Variants in INTS6 observed in about 807,000 individuals in gnomAD.
INTS6 encodes DEAD box protein.
Under a neutral mutation model 104.9 loss-of-function variants are expected in INTS6, and 16 were observed. The observed-to-expected ratio is 0.15, with a 90% confidence interval of 0.10 to 0.23. The LOEUF (loss-of-function observed/expected upper bound fraction) is 0.23. Ranked by LOEUF, INTS6 falls within the 10% of genes least tolerant of loss-of-function variation. The pLI, the probability that INTS6 is intolerant of heterozygous loss-of-function variation, is 1.00. For missense variants in INTS6, 584 were observed against 1,062.8 expected (o/e 0.55, Z 6.26); for synonymous variants, 324 against 358.7 (o/e 0.90, Z 1.09).
chr13:51,440,375 G>C (rs1430138785), intron 3 of INTS6: 1 of 151,900 alleles, frequency 6.6e-6, no homozygotes, highest in African/African-American at 2.4e-5. Context: ...GAGTTAAAAA[G>C]TTTTAAAACT....
chr13:51,451,625 C>CCGGCT (rs1370952842), intron 2 of INTS6: 1 of 156,460 alleles, frequency 6.4e-6, no homozygotes, highest in Non-Finnish European at 1.4e-5. Context: ...GCGGCCGGGC[C>CCGGCT]CGGCTGTCAC....
At chr13:51,403,613 A>AAAGAAAAAAAG (rs1235973925) in intron 4 of INTS6, among the ~76,000 whole-genome samples, 7 of 151,384 alleles carry the variant, frequency 4.6e-5, no homozygotes, top group Middle Eastern at 3.4e-3. Context: ...AAGAAAAAAA[A>AAAGAAAAAAAG]AAAAAGAAAA....
At chr13:51,369,774 T>C (rs549839585) in intron 15 of INTS6, among the ~76,000 whole-genome samples, 5 of 152,352 alleles carry the variant, frequency 3.3e-5, no homozygotes, top group African/African-American at 9.6e-5. Flanking sequence ...TGCCTTTAAC[T>C]GTTCCAAATT....
At chr13:51,393,032 T>C (rs1036849850) in intron 5 of INTS6, among the ~76,000 whole-genome samples, 8 of 151,702 alleles carry the variant, frequency 5.3e-5, no homozygotes, top group Non-Finnish European at 1.2e-4. Context: ...TACTCCATAA[T>C]GGGAAAAATA....
intron 4 of INTS6, among the ~76,000 whole-genome samples, chr13:51,429,785 A>AAAAAAAAAAAAAATATATATATATAT (rs1156333077): frequency 1.1e-5 from 1 of 92,376 alleles, no homozygotes; most frequent in Non-Finnish European, 2.0e-5. Context: ...AAAAAAAAAA[A>AAAAAAAAAAAAAATATATATATATAT]ATATATATAT....
At chr13:51,361,181 C>T, downstream of INTS6, 5 of 796,542 alleles carry the variant, frequency 6.3e-6, no homozygotes, top group Non-Finnish European at 1.1e-5. Flanking sequence ...GCATTGGATA[C>T]TATAAATTTT....
rs755307535 is a variant in INTS6, at chr13:51,451,222, G to C, written c.190-48C>G. ...TTTTTTTTTCATTTTTTAAAGCCATGTACACAGAGCCGTTATAATCTGACG... is the reference window on the plus strand; with the variant it reads ...TTTTTTTTTCATTTTTTAAAGCCATCTACACAGAGCCGTTATAATCTGACG... On this transcript the variant is annotated intron_variant, in intron 2 of 17. Transcript: ENST00000311234. 1.5e-5 allele frequency: 22 copies of C among 1,455,122 alleles called. No individual in the cohort carries two copies. In the Admixed American group the frequency reaches 3.4e-4, roughly 22 times the overall value. 90.1% of individuals were successfully genotyped at this position (1,455,122 alleles called of 1,614,324 possible).
intron 15 of INTS6, among the ~76,000 whole-genome samples, chr13:51,370,708 CAA>C (rs1955785832): frequency 6.6e-6 from 1 of 152,188 alleles, no homozygotes; most frequent in East Asian, 1.9e-4. Flanking sequence ...CAACTGCTTG[CAA>C]AAAGTATACA....
In INTS6 at chr13:51,376,194, G is replaced by C. The variant is rs768004951; in HGVS notation, c.1603-20C>G. The C allele has an allele frequency of 6.4e-7, 1 of 1,572,266 alleles. No individual in the cohort carries two copies. Among genetic ancestry groups the C allele is most frequent in the Non-Finnish European group, 8.6e-7 (1 of 1,158,356 alleles). ...CAAATCCTATTAAACAACATTCGAG[G>C]ACAAAATTTATTGTCAAACATAGAA... On this transcript the variant is annotated intron_variant, in intron 12 of 17. Transcript: ENST00000311234.
intron 15 of INTS6, among the ~76,000 whole-genome samples, chr13:51,371,838 T>C (rs902068025): frequency 2.6e-5 from 4 of 152,100 alleles, no homozygotes; most frequent in Admixed American, 6.6e-5. Context: ...ATTAAGGGAC[T>C]TCCTTTACCT....
In INTS6 at chr13:51,452,697, TGAGAG is replaced by T; in HGVS notation, c.-177_-173del. The T allele has an allele frequency of 7.3e-7, 1 of 1,371,682 alleles. No homozygotes were observed. The highest frequency in any genetic ancestry group is 9.4e-7 in the Non-Finnish European group (1 of 1,061,518). The allele number at this position is 1,371,682 out of a possible 1,614,324, so 85.0% of individuals were successfully genotyped here. A position where few individuals can be genotyped will look rare whatever the true frequency, so the allele number is the denominator to read the frequency against. ...TGCGGGGAGTTTCTCCCCCGATAGT[TGAGAG>T]GAAACTCCCCAGACCCAGTGCTCCC... On this transcript the variant is annotated 5_prime_UTR_variant, in exon 1 of 18. Transcript: ENST00000311234. This position sits in a 1 kb window ranked among gnomAD's most constrained non-coding sequence, Gnocchi z 4.2.
chr13:51,353,077 T>C (rs1362750659), downstream of INTS6, among the ~76,000 whole-genome samples: 1 of 152,194 alleles, frequency 6.6e-6, no homozygotes, highest in Non-Finnish European at 1.5e-5. Context: ...TATCCTTGTC[T>C]GGTATTGGTA....
intron 3 of INTS6, chr13:51,447,923 T>C (rs1952953806): frequency 6.6e-6 from 1 of 151,962 alleles, no homozygotes; most frequent in Non-Finnish European, 1.5e-5. Context: ...CCAGGCATGG[T>C]GGCTCAAGCC....
chr13:51,385,067 C>G (rs1389496531), intron 7 of INTS6: 1 of 156,436 alleles, frequency 6.4e-6, no homozygotes, highest in African/African-American at 2.4e-5. Context: ...TGATCTGGTC[C>G]CTATCTGCCT....
intron 4 of INTS6, among the ~76,000 whole-genome samples, chr13:51,416,054 A>G (rs1388607010): frequency 2.0e-5 from 3 of 152,296 alleles, no homozygotes; most frequent in South Asian, 2.1e-4. Flanking sequence ...AAAAACTAAA[A>G]AGCAAATTTG....
rs566961758 is a variant in INTS6, at chr13:51,446,302, T to C, written c.339+4723A>G. On this transcript the variant is annotated intron_variant, in intron 3 of 17. Transcript: ENST00000311234. ...TGTACAAATGGCCAACAAGCGTATG[T>C]TGATGCTTAACATAAATAATTATTA... The C allele has an allele frequency of 4.6e-5, 7 of 152,322 alleles. No individual in the cohort carries two copies. The South Asian group carries it at 6.2e-4, about 14-fold the overall frequency. The allele number at this position is 152,322 out of a possible 1,614,324, so 9.4% of individuals were successfully genotyped here. A position where few individuals can be genotyped will look rare whatever the true frequency, so the allele number is the denominator to read the frequency against.
intron 4 of INTS6, among the ~76,000 whole-genome samples, chr13:51,405,114 C>T (rs143978077): frequency 6.6e-6 from 1 of 152,156 alleles, no homozygotes; most frequent in African/African-American, 2.4e-5. Flanking sequence ...GAATCCAGAA[C>T]CTCATGCAAG....
intron 4 of INTS6, chr13:51,402,877 T>G (rs1593712890): frequency 6.6e-6 from 1 of 152,238 alleles, no homozygotes; most frequent in East Asian, 1.9e-4. Context: ...CTTATAAAAG[T>G]GCAATTTCCT....
chr13:51,444,854 G>A (rs1417792394), intron 3 of INTS6: 3 of 139,052 alleles, frequency 2.2e-5, no homozygotes, highest in Admixed American at 7.4e-5. Flanking sequence ...TTAGAAAACA[G>A]TTTTAGAGTA....
Sources: gnomAD v4.1 joint callset for allele counts (sites outside exome capture counted in the v4.1 genomes callset) on GRCh38, gnomAD v4.1.1 for gene constraint, Gnocchi (gnomAD v3.1) non-coding constraint, MANE v1.5 for transcripts, NCBI Gene and HGNC (gene_info 2026-07-23, HGNC 2026-07-21) for gene names.